The following ARHGAP24 variants were observed in gnomAD, a reference collection of about 807,000 sequenced individuals.
The protein encoded by ARHGAP24 is rho GTPase-activating protein 24.
In ARHGAP24, 50 loss-of-function variants were observed where a neutral mutation model predicts 76.4. That is an observed-to-expected ratio of 0.65 (90% confidence interval 0.52 to 0.83). The LOEUF (loss-of-function observed/expected upper bound fraction) is 0.83, where lower values mean the gene tolerates loss of function less well. Among genes scored for constraint, ARHGAP24 ranks in the 40% least tolerant of loss-of-function variants. ARHGAP24 has a pLI of 0.00. For synonymous variants in ARHGAP24, 345 were observed against 323.3 expected, an observed-to-expected ratio of 1.07 and a Z score of -0.72; for missense variants, 930 against 914.2, an observed-to-expected ratio of 1.02 and a Z score of -0.22.
At chr4:85,683,856 T>C (rs1723322107) in intron 2 of ARHGAP24, among the ~76,000 whole-genome samples, 2 of 152,214 alleles carry the variant, frequency 1.3e-5, no homozygotes, top group Admixed American at 1.3e-4. Flanking sequence ...TAATGCAATA[T>C]TGTCCTCTGT....
intron 2 of ARHGAP24, among the ~76,000 whole-genome samples, chr4:85,667,592 G>A (rs181529288): frequency 1.7e-3 from 257 of 152,262 alleles, no homozygotes; most frequent in African/African-American, 5.7e-3. Context: ...CTTCTGCGTC[G>A]CTCACGCTGG....
rs1199796194 is a variant in ARHGAP24, at chr4:85,973,833, G to GTTTTTTTTTTTT, written c.733-1039_733-1028dup. Among the ~76,000 whole-genome samples the GTTTTTTTTTTTT allele has an allele frequency of 2.0e-3, 87 of 42,812 alleles. 25 individuals are homozygous for GTTTTTTTTTTTT. Among genetic ancestry groups the GTTTTTTTTTTTT allele is most frequent in the African/African-American group, 4.7e-3 (45 of 9,522 alleles). The allele number at this position is 42,812 out of a possible 152,430, so 28.1% of individuals were successfully genotyped here. A position where few individuals can be genotyped will look rare whatever the true frequency, so the allele number is the denominator to read the frequency against. On this transcript the variant is annotated intron_variant, in intron 6 of 9. Transcript: ENST00000395184. ...CTCATGTCAAAAACTGCTGCCTATT[G>GTTTTTTTTTTTT]TTTTTTTTTTTTTTTTTTTTTTTTT...
At position 85,511,692 on chromosome 4, in the gene ARHGAP24, C is replaced by G. The variant is rs142735153; in HGVS notation, c.-21+36133C>G. Among the ~76,000 whole-genome samples the G allele has an allele frequency of 3.3e-3, 507 of 152,108 alleles. 3 individuals are homozygous for G. The highest frequency in any genetic ancestry group is 0.012 in the African/African-American group (490 of 41,504). ...ATTGGTCAGGTTGGTCTCAGTCTCC[C>G]GACCTCAGGTGATCCACCCGCCTCG... On this transcript the variant is annotated intron_variant, in intron 1 of 9. Coordinates refer to ENST00000395184, the MANE Select transcript of ARHGAP24 (RefSeq NM_001025616.3).
chr4:85,687,717 C>T (rs1723479078), intron 2 of ARHGAP24, among the ~76,000 whole-genome samples: 1 of 152,068 alleles, frequency 6.6e-6, no homozygotes, highest in African/African-American at 2.4e-5. Flanking sequence ...GATGAACATG[C>T]AATTGCATGG....
intron 2 of ARHGAP24, among the ~76,000 whole-genome samples, chr4:85,708,303 A>G (rs1004351433): frequency 2.6e-5 from 4 of 152,228 alleles, no homozygotes; most frequent in Admixed American, 6.6e-5. Context: ...AGGACTTAAA[A>G]GAAAAATGAT....
intron 6 of ARHGAP24, among the ~76,000 whole-genome samples, chr4:85,974,072 G>T (rs920946501): frequency 6.8e-6 from 1 of 147,936 alleles, no homozygotes; most frequent in Non-Finnish European, 1.5e-5. Flanking sequence ...TAGCCAGGAT[G>T]GTCTCGATCT....
intron 2 of ARHGAP24, among the ~76,000 whole-genome samples, chr4:85,689,426 A>G (rs1723550020): frequency 6.6e-6 from 1 of 152,062 alleles, no homozygotes; most frequent in East Asian, 1.9e-4. Flanking sequence ...TTGCTCTGTC[A>G]CCCAGGCTGG....
At chr4:85,591,535 C>T (rs181982771) in intron 2 of ARHGAP24, among the ~76,000 whole-genome samples, 1 of 152,200 alleles carries the variant, frequency 6.6e-6, no homozygotes, top group Non-Finnish European at 1.5e-5. Context: ...CTAATGTCAA[C>T]ATACTCTTGT....
intron 3 of ARHGAP24, among the ~76,000 whole-genome samples, chr4:85,791,208 T>C (rs1728105083): frequency 1.3e-5 from 2 of 152,206 alleles, no homozygotes; most frequent in South Asian, 4.1e-4. Flanking sequence ...GAACTAAATG[T>C]CCATATTGTG....
chr4:85,864,280 C>A (rs540378869), intron 3 of ARHGAP24, among the ~76,000 whole-genome samples: 1 of 152,050 alleles, frequency 6.6e-6, no homozygotes, highest in Non-Finnish European at 1.5e-5. Context: ...TTGCTGTCTG[C>A]CTAAGGAATT....
At chr4:85,693,423 T>A (rs1723744962) in intron 2 of ARHGAP24, among the ~76,000 whole-genome samples, 1 of 152,162 alleles carries the variant, frequency 6.6e-6, no homozygotes, top group Non-Finnish European at 1.5e-5. Context: ...CAGACCCCCA[T>A]GTCTCACTGC....
intron 3 of ARHGAP24, among the ~76,000 whole-genome samples, chr4:85,857,024 T>C (rs1369071090): frequency 6.6e-6 from 1 of 152,176 alleles, no homozygotes; most frequent in Non-Finnish European, 1.5e-5. Context: ...GATACATAGA[T>C]TGTTTCCATT....
intron 2 of ARHGAP24, among the ~76,000 whole-genome samples, chr4:85,585,049 A>AT (rs538399609): frequency 1.5e-4 from 23 of 151,756 alleles, no homozygotes; most frequent in African/African-American, 2.4e-4. Flanking sequence ...TCTAATCCTC[A>AT]TTTTTTTTGC....
intron 3 of ARHGAP24, among the ~76,000 whole-genome samples, chr4:85,896,457 A>G (rs1428326798): frequency 6.6e-6 from 1 of 152,156 alleles, no homozygotes; most frequent in African/African-American, 2.4e-5. Flanking sequence ...TAGCCTCCTT[A>G]AGTCTCTTCT....
chr4:85,659,090 G>T (rs1258110088), intron 2 of ARHGAP24, among the ~76,000 whole-genome samples: 8 of 151,978 alleles, frequency 5.3e-5, no homozygotes, highest in Non-Finnish European at 1.2e-4. Flanking sequence ...GCTTGTCACA[G>T]TTGGGGAAGA....
At chr4:85,687,457 T>C (rs530878630) in intron 2 of ARHGAP24, among the ~76,000 whole-genome samples, 2 of 152,196 alleles carry the variant, frequency 1.3e-5, no homozygotes, top group Non-Finnish European at 2.9e-5. Context: ...ACATTGTCTG[T>C]TGTTCCCATG....
At chr4:85,845,572 G>A (rs886541293) in intron 3 of ARHGAP24, among the ~76,000 whole-genome samples, 3 of 152,084 alleles carry the variant, frequency 2.0e-5, no homozygotes, top group Non-Finnish European at 2.9e-5. Flanking sequence ...ATTTTTCCCT[G>A]CCTTTTATAT....
chr4:85,706,549 A>G (rs1225711249), intron 2 of ARHGAP24, among the ~76,000 whole-genome samples: 1 of 151,658 alleles, frequency 6.6e-6, no homozygotes, highest in Non-Finnish European at 1.5e-5. Flanking sequence ...TTTCAAAAAG[A>G]TGTTGTTTTT....
chr4:85,641,004 A>T (rs1721498848), intron 2 of ARHGAP24, among the ~76,000 whole-genome samples: 2 of 119,140 alleles, frequency 1.7e-5, no homozygotes, highest in Non-Finnish European at 3.8e-5. Context: ...ATTAATTAAA[A>T]TAATGAAAAG....
Sources: gnomAD v4.1 joint callset for allele counts (sites outside exome capture counted in the v4.1 genomes callset) on GRCh38, gnomAD v4.1.1 for gene constraint, MANE v1.5 for transcripts, NCBI Gene and HGNC (gene_info 2026-07-23, HGNC 2026-07-21) for gene names.